Variants in PHF24 observed in about 807,000 individuals in gnomAD.
PHF24 encodes Galpha inhibitory interacting protein.
PHF24 carries 25 observed loss-of-function variants against 42.6 expected under a neutral mutation model. The observed-to-expected ratio is 0.59, with a 90% confidence interval of 0.43 to 0.82. The LOEUF (loss-of-function observed/expected upper bound fraction) is 0.82, where lower values mean the gene tolerates loss of function less well. PHF24 is among the 40% of genes least tolerant of loss of function. PHF24 has a pLI of 0.00. For synonymous variants in PHF24, 185 were observed against 204.8 expected, an observed-to-expected ratio of 0.90 and a Z score of 0.83; for missense variants, 470 against 538.1, an observed-to-expected ratio of 0.87 and a Z score of 1.25.
At chr9:34,670,301 A>C in the PHF24 span, among the ~76,000 whole-genome samples, 2 of 152,178 alleles carry the variant, frequency 1.3e-5, no homozygotes, top group African/African-American at 4.8e-5. Context: ...ACTTGTAGCC[A>C]GTTGGCCAGA....
chr9:34,669,457 A>G, the PHF24 span, among the ~76,000 whole-genome samples: 3 of 151,982 alleles, frequency 2.0e-5, no homozygotes, highest in Admixed American at 6.6e-5. Context: ...ATGAGCAGAG[A>G]TGGACAAATG....
the PHF24 span, among the ~76,000 whole-genome samples, chr9:34,857,107 C>G: frequency 2.2e-3 from 334 of 152,290 alleles, 1 homozygote; most frequent in Middle Eastern, 6.8e-3. Context: ...CAGGCTAGAA[C>G]AGCTGACTCA....
the PHF24 span, among the ~76,000 whole-genome samples, chr9:34,745,794 A>C: frequency 6.6e-6 from 1 of 152,064 alleles, no homozygotes; most frequent in Non-Finnish European, 1.5e-5. Context: ...GGGCACTTTC[A>C]ATCCAATGAT....
At chr9:34,751,804 A>G in the PHF24 span, among the ~76,000 whole-genome samples, 2 of 152,232 alleles carry the variant, frequency 1.3e-5, no homozygotes, top group African/African-American at 4.8e-5. Context: ...TTGTTAGGCC[A>G]TAAAACAACT....
the PHF24 span, among the ~76,000 whole-genome samples, chr9:34,941,536 G>T: frequency 6.6e-6 from 1 of 152,244 alleles, no homozygotes; most frequent in Non-Finnish European, 1.5e-5. Flanking sequence ...TGAACCACTG[G>T]CCCTTTGTCT....
At chr9:34,873,559 T>G in the PHF24 span, among the ~76,000 whole-genome samples, 10 of 152,068 alleles carry the variant, frequency 6.6e-5, no homozygotes. Context: ...GTTCCATTGA[T>G]CTATATCTCT....
the PHF24 span, chr9:34,725,772 G>T: frequency 5.8e-6 from 9 of 1,549,354 alleles, no homozygotes; most frequent in Non-Finnish European, 6.1e-6. Flanking sequence ...GGGGAAGAGG[G>T]TGGGGCTGAC....
At chr9:34,839,722 T>C in the PHF24 span, among the ~76,000 whole-genome samples, 1 of 152,230 alleles carries the variant, frequency 6.6e-6, no homozygotes, top group Non-Finnish European at 1.5e-5. Context: ...CTTTGAGTCA[T>C]GTTGGCTTCC....
the PHF24 span, among the ~76,000 whole-genome samples, chr9:34,778,837 C>G: frequency 6.6e-6 from 1 of 152,164 alleles, no homozygotes; most frequent in African/African-American, 2.4e-5. Flanking sequence ...GCACCTGGAA[C>G]AGTCTCCAGG....
chr9:34,796,544 T>C, the PHF24 span, among the ~76,000 whole-genome samples: 2 of 152,114 alleles, frequency 1.3e-5, no homozygotes, highest in East Asian at 3.8e-4. Context: ...ATTTAAAAAA[T>C]GCCGAAAAGC....
At chr9:34,868,282 C>G in the PHF24 span, among the ~76,000 whole-genome samples, 1 of 152,196 alleles carries the variant, frequency 6.6e-6, no homozygotes, top group Admixed American at 6.5e-5. Context: ...ACACCATTAT[C>G]TCAAACATTT....
chr9:34,881,458 T>C, the PHF24 span, among the ~76,000 whole-genome samples: 1 of 152,026 alleles, frequency 6.6e-6, no homozygotes, highest in African/African-American at 2.4e-5. Context: ...ATTGATATAC[T>C]GCTAGCAAGA....
the PHF24 span, among the ~76,000 whole-genome samples, chr9:34,796,005 A>C: frequency 1.3e-5 from 2 of 152,076 alleles, no homozygotes; most frequent in South Asian, 4.1e-4. Flanking sequence ...GAAAAAAAAA[A>C]GAAAGAGAGA....
chr9:34,763,330 G>A, the PHF24 span, among the ~76,000 whole-genome samples: 18 of 152,328 alleles, frequency 1.2e-4, 1 homozygote, highest in South Asian at 4.1e-4. Context: ...CTACCCATGA[G>A]CATGGAATGT....
chr9:34,850,030 T>G, the PHF24 span, among the ~76,000 whole-genome samples: 1 of 152,278 alleles, frequency 6.6e-6, no homozygotes, highest in Admixed American at 6.5e-5. Flanking sequence ...TGGCTGCCCT[T>G]AACATTTTTT....
chr9:34,942,872 C>A, the PHF24 span, among the ~76,000 whole-genome samples: 2 of 151,842 alleles, frequency 1.3e-5, no homozygotes, highest in African/African-American at 2.4e-5. Context: ...AGGGGGGAGG[C>A]ATAGCATTAG....
chr9:34,891,053 A>T, the PHF24 span, among the ~76,000 whole-genome samples: 1 of 152,038 alleles, frequency 6.6e-6, no homozygotes, highest in Admixed American at 6.6e-5. Context: ...AGAGCCACAT[A>T]ATAGAGAGCA....
chr9:34,721,047 A>G, the PHF24 span, among the ~76,000 whole-genome samples: 1 of 152,112 alleles, frequency 6.6e-6, no homozygotes, highest in African/African-American at 2.4e-5. Flanking sequence ...TATATGTGGA[A>G]GAATCCTTTC....
the PHF24 span, among the ~76,000 whole-genome samples, chr9:34,704,385 C>T: frequency 6.6e-6 from 1 of 152,090 alleles, no homozygotes; most frequent in Non-Finnish European, 1.5e-5. Context: ...CAAAGAAGCC[C>T]TTAAAATATT....
Sources: gnomAD v4.1 joint callset for allele counts (sites outside exome capture counted in the v4.1 genomes callset) on GRCh38, gnomAD v4.1.1 for gene constraint, MANE v1.5 for transcripts, NCBI Gene and HGNC (gene_info 2026-07-23, HGNC 2026-07-21) for gene names.